The following DTNA variants were observed in gnomAD, a reference collection of about 807,000 sequenced individuals.
The protein encoded by DTNA is dystrobrevin alpha.
DTNA carries 43 observed loss-of-function variants against 100.7 expected under a neutral mutation model. The ratio of observed to expected loss-of-function variants is 0.43; its 90% CI spans 0.33 to 0.55. DTNA has a LOEUF of 0.55. Ranked by LOEUF, DTNA falls within the 20% of genes least tolerant of loss-of-function variation. DTNA has a pLI of 0.04. For missense variants in DTNA, 798 were observed against 953.9 expected, an observed-to-expected ratio of 0.84 and a Z score of 2.15; for synonymous variants, 349 against 347.9, an observed-to-expected ratio of 1.00 and a Z score of -0.04.
At chr18:34,535,284 G>C (rs1226314986) in intron 1 of DTNA, among the ~76,000 whole-genome samples, 1 of 152,044 alleles carries the variant, frequency 6.6e-6, no homozygotes, top group Non-Finnish European at 1.5e-5. Flanking sequence ...CCAGATAAAT[G>C]TCTTCTTTTG....
chr18:34,780,474 CT>C (rs2094268443), intron 3 of DTNA, among the ~76,000 whole-genome samples: 1 of 152,176 alleles, frequency 6.6e-6, no homozygotes, highest in African/African-American at 2.4e-5. Context: ...AAGCAGCTTA[CT>C]TTCTCAGAAA....
intron 1 of DTNA, among the ~76,000 whole-genome samples, chr18:34,754,170 C>G: frequency 6.6e-6 from 1 of 152,264 alleles, no homozygotes; most frequent in East Asian, 1.9e-4. Flanking sequence ...AGTGCTTCAC[C>G]CATAAAAGCA....
intron 2 of DTNA, among the ~76,000 whole-genome samples, chr18:34,759,183 C>A (rs1601556465): frequency 6.6e-6 from 1 of 152,232 alleles, no homozygotes; most frequent in East Asian, 1.9e-4. Flanking sequence ...AACAAAAAAA[C>A]CCTCTAGTTA....
intron 1 of DTNA, among the ~76,000 whole-genome samples, chr18:34,675,680 T>G (rs1237884635): frequency 6.6e-6 from 1 of 152,206 alleles, no homozygotes; most frequent in Non-Finnish European, 1.5e-5. Flanking sequence ...ATAAATAAAA[T>G]CATCATCTAG....
At chr18:34,872,478 C>T (rs2096774871) in intron 17 of DTNA, among the ~76,000 whole-genome samples, 1 of 152,162 alleles carries the variant, frequency 6.6e-6, no homozygotes, top group Non-Finnish European at 1.5e-5. Context: ...CAGAATTTGG[C>T]ATTTATCTGA....
intron 1 of DTNA, among the ~76,000 whole-genome samples, chr18:34,635,866 C>T (rs2058609979): frequency 6.6e-6 from 1 of 151,800 alleles, no homozygotes; most frequent in Non-Finnish European, 1.5e-5. Flanking sequence ...CAAATACTGT[C>T]ATTTGTTTTA....
intron 1 of DTNA, among the ~76,000 whole-genome samples, chr18:34,636,143 T>C (rs1475840264): frequency 6.6e-6 from 1 of 152,228 alleles, no homozygotes; most frequent in Non-Finnish European, 1.5e-5. Flanking sequence ...AGGGTGATAT[T>C]TAAGAAAATT....
At chr18:34,732,718 T>A (rs1601035887) in intron 1 of DTNA, among the ~76,000 whole-genome samples, 1 of 152,324 alleles carries the variant, frequency 6.6e-6, no homozygotes, top group East Asian at 1.9e-4. Flanking sequence ...AAGTCTAAAG[T>A]GCTATGTTAG....
At chr18:34,510,506 A>T (rs1247883736) in intron 1 of DTNA, among the ~76,000 whole-genome samples, 2 of 150,474 alleles carry the variant, frequency 1.3e-5, no homozygotes, top group African/African-American at 4.9e-5. Flanking sequence ...ATTCCATATT[A>T]TTTACTAGGA....
chr18:34,707,455 C>T (rs1055886339), upstream of DTNA, among the ~76,000 whole-genome samples: 7 of 152,068 alleles, frequency 4.6e-5, no homozygotes, highest in Non-Finnish European at 7.4e-5. Flanking sequence ...AATATACTGG[C>T]GTCGTATTCC....
chr18:34,875,772 T>C (rs937784515), intron 18 of DTNA, among the ~76,000 whole-genome samples: 8 of 152,192 alleles, frequency 5.3e-5, no homozygotes, highest in Admixed American at 2.6e-4. Context: ...CTGAGATAAG[T>C]AATCACAGCT....
chr18:34,708,629 T>C (rs16965784), upstream of DTNA, among the ~76,000 whole-genome samples: 505 of 152,338 alleles, frequency 3.3e-3, 2 homozygotes, highest in African/African-American at 9.4e-3. Context: ...AAAAGGTCTC[T>C]ATATTTATGC....
intron 1 of DTNA, among the ~76,000 whole-genome samples, chr18:34,646,518 T>C (rs151170219): frequency 1.4e-4 from 21 of 152,326 alleles, no homozygotes; most frequent in Non-Finnish European, 2.6e-4. Flanking sequence ...CTTTTAACTT[T>C]ACTTGATTTG....
intron 8 of DTNA, among the ~76,000 whole-genome samples, chr18:34,819,261 CA>C (rs1359097655): frequency 6.6e-6 from 1 of 152,136 alleles, no homozygotes; most frequent in Admixed American, 6.5e-5. Flanking sequence ...CATCTTAAAT[CA>C]AAATGTTCTT....
intron 1 of DTNA, among the ~76,000 whole-genome samples, chr18:34,618,670 A>G (rs1228046058): frequency 6.6e-6 from 1 of 152,192 alleles, no homozygotes; most frequent in East Asian, 1.9e-4. Context: ...GAACTTCAAA[A>G]CAATGTCATG....
intron 3 of DTNA, among the ~76,000 whole-genome samples, chr18:34,779,200 A>G (rs1951328108): frequency 6.6e-6 from 1 of 152,214 alleles, no homozygotes; most frequent in Non-Finnish European, 1.5e-5. Flanking sequence ...TAAGGAAAAC[A>G]AGACAGAATG....
intron 16 of DTNA, among the ~76,000 whole-genome samples, 159 bp from the exon 17 acceptor site, chr18:34,863,807 G>C (rs1394250366): frequency 6.6e-6 from 1 of 152,214 alleles, no homozygotes; most frequent in Non-Finnish European, 1.5e-5. Context: ...ACTTCCAGCT[G>C]TAATTGTTCA....
intron 1 of DTNA, among the ~76,000 whole-genome samples, chr18:34,635,739 C>G (rs1010455324): frequency 2.0e-5 from 3 of 152,232 alleles, no homozygotes; most frequent in East Asian, 1.9e-4. Context: ...TCTCACCAAT[C>G]TTTTATCTCA....
chr18:34,816,457 G>T (rs1251436264), intron 7 of DTNA, among the ~76,000 whole-genome samples: 1 of 152,182 alleles, frequency 6.6e-6, no homozygotes, highest in Non-Finnish European at 1.5e-5. Context: ...ATATGTTCCA[G>T]ATTGTGAGCT....
Sources: gnomAD v4.1 joint callset for allele counts (sites outside exome capture counted in the v4.1 genomes callset) on GRCh38, gnomAD v4.1.1 for gene constraint, MANE v1.5 for transcripts, NCBI Gene and HGNC (gene_info 2026-07-23, HGNC 2026-07-21) for gene names.